Variants in CADPS2 observed in about 807,000 individuals in gnomAD.
The protein encoded by CADPS2 is calcium-dependent secretion activator 2.
Under a neutral mutation model 172.5 loss-of-function variants are expected in CADPS2, and 93 were observed. The ratio of observed to expected loss-of-function variants is 0.54; its 90% CI spans 0.46 to 0.64. The LOEUF (loss-of-function observed/expected upper bound fraction) is 0.64. Among genes scored for constraint, CADPS2 ranks in the 30% least tolerant of loss-of-function variants. The pLI is 0.00. For synonymous variants in CADPS2, 546 were observed against 555.2 expected (o/e 0.98, Z 0.23); for missense variants, 1,420 against 1,565.9 (o/e 0.91, Z 1.57).
Position 122,790,625 on chromosome 7 carries a change from C to T in CADPS2, c.340-53557G>A, listed in dbSNP as rs374803362. On this transcript the variant is annotated intron_variant, in intron 1 of 29. Coordinates refer to ENST00000449022, the MANE Select transcript of CADPS2 (RefSeq NM_017954.11). ...ATCAAACCAGCTCTTATGAATAAAA[C>T]ATCCAACTTAATCCATATGAAATGT... Among the ~76,000 whole-genome samples the T allele has an allele frequency of 1.3e-4, 20 of 152,196 alleles. No individual in the cohort carries two copies. In the East Asian group the frequency reaches 3.5e-3, roughly 26 times the overall value.
chr7:122,325,326 T>C (rs2033607469), intron 29 of CADPS2, 151 bp downstream of exon 29: 1 of 503,188 alleles, frequency 2.0e-6, no homozygotes, highest in Admixed American at 3.6e-5. Flanking sequence ...CATTTATTAA[T>C]CTAACTAAAC....
At chr7:122,856,087 T>C (rs1815109751) in intron 1 of CADPS2, among the ~76,000 whole-genome samples, 1 of 152,118 alleles carries the variant, frequency 6.6e-6, no homozygotes, top group Non-Finnish European at 1.5e-5. Flanking sequence ...GCAGTTGTAA[T>C]CATGGAAGCA....
rs76828777 is a variant in CADPS2, at chr7:122,491,896, A to G, written c.1543-476T>C. The stretch of plus-strand genomic sequence containing the variant: ...CTTATATCAAGACTTTTAACAAAGT[A>G]AAAAAAGATCTCACGCCTGTAATCC... On this transcript the variant is annotated intron_variant, in intron 9 of 29. Transcript: ENST00000449022. Among the ~76,000 whole-genome samples the G allele has an allele frequency of 1.4e-3, 212 of 152,272 alleles. 3 individuals carry two copies. The East Asian group carries it at 0.031, about 22-fold the overall frequency.
chr7:122,411,048 T>C (rs986940073), intron 19 of CADPS2, among the ~76,000 whole-genome samples: 1 of 152,168 alleles, frequency 6.6e-6, no homozygotes, highest in African/African-American at 2.4e-5. Flanking sequence ...ACACATATAG[T>C]GTCTTCTTAA....
chr7:122,518,076 T>C (rs937846477), intron 8 of CADPS2, among the ~76,000 whole-genome samples: 1 of 151,966 alleles, frequency 6.6e-6, no homozygotes, highest in South Asian at 2.1e-4. Flanking sequence ...TAACCTGATA[T>C]TATGCTCCAC....
rs201498806 is a variant in CADPS2 at position 122,837,161 on chromosome 7, C to A, written c.339+48838G>T. ...GCTCAACTACATGGAAACTGAACAACCTGCTCCTGAATGACTACTGGGTAC... is the reference window on the plus strand; with the variant it reads ...GCTCAACTACATGGAAACTGAACAAACTGCTCCTGAATGACTACTGGGTAC... On this transcript the variant is annotated intron_variant, in intron 1 of 29. Transcript: ENST00000449022. 2.4e-3 allele frequency among the ~76,000 whole-genome samples: 373 copies of A among 152,272 alleles called. 9 individuals carry two copies. The East Asian group carries it at 0.061, about 25-fold the overall frequency.
intron 2 of CADPS2, chr7:122,699,026 C>T: frequency 1.4e-6 from 1 of 730,596 alleles, no homozygotes; most frequent in Non-Finnish European, 2.2e-6. Flanking sequence ...AAACAAGATC[C>T]ACTGTCTTCC....
At chr7:122,461,768 C>T (rs749686535) in intron 14 of CADPS2, among the ~76,000 whole-genome samples, 8 of 151,956 alleles carry the variant, frequency 5.3e-5, no homozygotes, top group Non-Finnish European at 1.2e-4. Flanking sequence ...CTAATTTTTG[C>T]ATTTTTCAGT....
chr7:122,604,215 A>G (rs2073188323), intron 6 of CADPS2, among the ~76,000 whole-genome samples: 1 of 152,118 alleles, frequency 6.6e-6, no homozygotes, highest in Admixed American at 6.6e-5. Context: ...GAGCTATGCA[A>G]CTAGGTTTCT....
intron 6 of CADPS2, among the ~76,000 whole-genome samples, chr7:122,607,055 T>C (rs949586435): frequency 2.2e-4 from 33 of 148,590 alleles, no homozygotes; most frequent in African/African-American, 7.9e-4. Flanking sequence ...CCTACATACA[T>C]AGACATTTCA....
chr7:122,832,339 A>C (rs1328990490), intron 1 of CADPS2, among the ~76,000 whole-genome samples: 1 of 151,798 alleles, frequency 6.6e-6, no homozygotes, highest in Non-Finnish European at 1.5e-5. Flanking sequence ...GTGCACACAC[A>C]CAATAGTAAG....
At chr7:122,719,448 G>A (rs2090104244) in intron 2 of CADPS2, among the ~76,000 whole-genome samples, 1 of 152,144 alleles carries the variant, frequency 6.6e-6, no homozygotes, top group South Asian at 2.1e-4. Flanking sequence ...TGCCACCTTA[G>A]TGCACTGGCA....
chr7:122,878,537 G>A (rs1437535915), intron 1 of CADPS2, among the ~76,000 whole-genome samples: 1 of 151,280 alleles, frequency 6.6e-6, no homozygotes, highest in Non-Finnish European at 1.5e-5. Flanking sequence ...CTACTCAGGA[G>A]GCTGAGGTAG....
intron 24 of CADPS2, chr7:122,386,356 GA>G: frequency 8.4e-7 from 1 of 1,194,390 alleles, no homozygotes; most frequent in Non-Finnish European, 1.1e-6. Context: ...AAAGAGAACA[GA>G]AGGGAAGAAT....
At chr7:122,546,622 T>G (rs1376192902) in intron 8 of CADPS2, among the ~76,000 whole-genome samples, 1 of 152,196 alleles carries the variant, frequency 6.6e-6, no homozygotes, top group Non-Finnish European at 1.5e-5. Flanking sequence ...GCTGTACTTT[T>G]GCTGCTATTG....
intron 29 of CADPS2, among the ~76,000 whole-genome samples, chr7:122,323,529 T>C (rs986302937): frequency 2.6e-5 from 4 of 152,058 alleles, no homozygotes; most frequent in African/African-American, 4.8e-5. Context: ...ATATCTTGAG[T>C]ATATAAAAAT....
At chr7:122,804,850 T>C (rs1563060179) in intron 1 of CADPS2, among the ~76,000 whole-genome samples, 1 of 152,212 alleles carries the variant, frequency 6.6e-6, no homozygotes, top group African/African-American at 2.4e-5. Context: ...TCCTCATTTG[T>C]TTGCTATTTC....
Position 122,460,747 on chromosome 7 carries a change from A to G in CADPS2, c.2187-9272T>C, listed in dbSNP as rs191777015. On this transcript the variant is annotated intron_variant, in intron 14 of 29. Coordinates refer to ENST00000449022, the MANE Select transcript of CADPS2 (RefSeq NM_017954.11). ...AAACAAAAAATGGAATCAAACCAAGAAAGGAAAAAGATATTCAGAAGTAAT... is the reference window on the plus strand; with the variant it reads ...AAACAAAAAATGGAATCAAACCAAGGAAGGAAAAAGATATTCAGAAGTAAT... Among the ~76,000 whole-genome samples, 24 of 152,336 alleles carry G rather than the reference A, an allele frequency of 1.6e-4. No individual in the cohort carries two copies. The East Asian group carries it at 4.4e-3, about 28-fold the overall frequency.
intron 1 of CADPS2, among the ~76,000 whole-genome samples, chr7:122,795,139 T>C (rs1459111203): frequency 1.3e-5 from 2 of 149,746 alleles, no homozygotes; most frequent in Non-Finnish European, 3.0e-5. Flanking sequence ...CTGAAGGAGA[T>C]TGAGACATAA....
Sources: gnomAD v4.1 joint callset for allele counts (sites outside exome capture counted in the v4.1 genomes callset) on GRCh38, gnomAD v4.1.1 for gene constraint, MANE v1.5 for transcripts, NCBI Gene and HGNC (gene_info 2026-07-23, HGNC 2026-07-21) for gene names.